FRMPD4: variants seen among roughly 807,000 people sequenced by gnomAD.
FRMPD4 encodes FERM and PDZ domain containing 4.
A neutral mutation model predicts 94.1 loss-of-function variants in FRMPD4; 22 were observed. The ratio of observed to expected loss-of-function variants is 0.23; its 90% CI spans 0.17 to 0.33. FRMPD4 has a LOEUF of 0.33. Ranked by LOEUF, FRMPD4 falls within the 10% of genes least tolerant of loss-of-function variation. FRMPD4 has a pLI of 1.00. For missense variants in FRMPD4, 1,111 were observed against 1,339.9 expected (o/e 0.83, Z 2.67); for synonymous variants, 631 against 548.6 (o/e 1.15, Z -2.10).
intron 3 of FRMPD4, among the ~76,000 whole-genome samples, chrX:12,075,695 A>G (rs1480493252): frequency 1.8e-5 from 2 of 111,832 alleles, no homozygotes; most frequent in African/African-American, 6.5e-5. Flanking sequence ...ATCACGGAGC[A>G]GCAAGTCACT....
At chrX:12,109,945 A>G (rs2147521483) in intron 3 of FRMPD4, among the ~76,000 whole-genome samples, 1 of 111,894 alleles carries the variant, frequency 8.9e-6, no homozygotes, top group African/African-American at 3.2e-5. Context: ...ACCAACCAAA[A>G]AAAGTCCAGG....
intron 5 of FRMPD4, among the ~76,000 whole-genome samples, chrX:12,681,696 T>TACACACAC (rs35651585): frequency 2.9e-5 from 3 of 104,027 alleles, no homozygotes; most frequent in Admixed American, 2.1e-4. Context: ...CCATCCAGGA[T>TACACACAC]ACACACACAC....
intron 1 of FRMPD4, among the ~76,000 whole-genome samples, chrX:11,857,814 C>T (rs990222925): frequency 8.9e-6 from 1 of 112,352 alleles, no homozygotes; most frequent in African/African-American, 3.2e-5. Context: ...ATGCATTTGA[C>T]GAAGGTTTAA....
At chrX:12,488,249 C>T (rs971363274) in intron 1 of FRMPD4, among the ~76,000 whole-genome samples, 58 of 111,954 alleles carry the variant, frequency 5.2e-4, no homozygotes, top group African/African-American at 1.7e-3. Context: ...TGGAGAACTA[C>T]CAGCCTTTGG....
chrX:12,041,404 CT>C (rs2054753992), intron 3 of FRMPD4, among the ~76,000 whole-genome samples: 1 of 111,932 alleles, frequency 8.9e-6, no homozygotes, highest in Non-Finnish European at 1.9e-5. Context: ...GTTATTTCAT[CT>C]TCATTTATAA....
chrX:12,183,330 C>T (rs989764424), intron 1 of FRMPD4, among the ~76,000 whole-genome samples: 4 of 111,385 alleles, frequency 3.6e-5, no homozygotes, highest in Admixed American at 9.6e-5. Flanking sequence ...CATTGGCATA[C>T]GTTTATATTG....
chrX:12,532,785 G>A (rs1456558312), intron 2 of FRMPD4, among the ~76,000 whole-genome samples: 1 of 111,550 alleles, frequency 9.0e-6, no homozygotes, highest in Non-Finnish European at 1.9e-5. Context: ...AATTCTATTG[G>A]CATCTAGTGG....
chrX:12,631,821 C>A (rs1180972504), intron 4 of FRMPD4, among the ~76,000 whole-genome samples: 1 of 112,102 alleles, frequency 8.9e-6, no homozygotes, highest in Non-Finnish European at 1.9e-5. Flanking sequence ...GGGTTCTCAA[C>A]CTCTTCATGT....
chrX:12,202,302 A>G (rs1436761383), intron 1 of FRMPD4, among the ~76,000 whole-genome samples: 1 of 112,270 alleles, frequency 8.9e-6, no homozygotes, highest in African/African-American at 3.2e-5. Context: ...GCTGTTGTGC[A>G]TGTTGATGTC....
intron 3 of FRMPD4, among the ~76,000 whole-genome samples, chrX:12,100,200 A>G (rs910769391): frequency 8.9e-6 from 1 of 112,275 alleles, no homozygotes. Flanking sequence ...ACCTAATCTT[A>G]GATAGAATCT....
chrX:11,911,557 T>C (rs900792200), intron 3 of FRMPD4, among the ~76,000 whole-genome samples: 1 of 111,906 alleles, frequency 8.9e-6, no homozygotes, highest in African/African-American at 3.3e-5. Flanking sequence ...GAGAACTTCT[T>C]TGGCATAATT....
intron 1 of FRMPD4, among the ~76,000 whole-genome samples, chrX:12,303,676 G>A (rs957876035): frequency 4.5e-5 from 5 of 110,906 alleles, no homozygotes; most frequent in African/African-American, 1.3e-4. Flanking sequence ...TATTACTTGG[G>A]TGAATAGAAA....
At chrX:12,403,835 A>AC (rs1015742141) in intron 1 of FRMPD4, among the ~76,000 whole-genome samples, 2 of 108,936 alleles carry the variant, frequency 1.8e-5, no homozygotes, top group African/African-American at 3.4e-5. Flanking sequence ...TTGATGTATG[A>AC]CCCCCCTCAG....
At chrX:12,697,627 G>T (rs1217707035) in intron 9 of FRMPD4, among the ~76,000 whole-genome samples, 3 of 112,264 alleles carry the variant, frequency 2.7e-5, no homozygotes, top group Non-Finnish European at 5.6e-5. Flanking sequence ...TCTGTTTAAG[G>T]TGTGTTTGCA....
At chrX:11,871,268 G>A (rs1440575815) in intron 2 of FRMPD4, among the ~76,000 whole-genome samples, 1 of 111,914 alleles carries the variant, frequency 8.9e-6, no homozygotes, top group Non-Finnish European at 1.9e-5. Context: ...TCTCACTTAT[G>A]TCACCTCCCA....
chrX:12,664,431 G>A (rs1036713688), intron 4 of FRMPD4, among the ~76,000 whole-genome samples: 2 of 111,710 alleles, frequency 1.8e-5, no homozygotes, highest in African/African-American at 6.5e-5. Context: ...GAGTTTTATT[G>A]AAGGCCTTTT....
intron 4 of FRMPD4, among the ~76,000 whole-genome samples, chrX:12,653,947 A>G (rs1175264267): frequency 6.3e-5 from 7 of 111,588 alleles, no homozygotes. Context: ...TTGTATTTTT[A>G]GTAGAGACAG....
intron 3 of FRMPD4, among the ~76,000 whole-genome samples, chrX:12,025,320 T>A (rs1260231456): frequency 9.1e-6 from 1 of 109,831 alleles, no homozygotes; most frequent in East Asian, 2.9e-4. Flanking sequence ...TCCAGACTCA[T>A]GAATCATGAC....
At chrX:12,126,784 C>T (rs1221237466) in intron 3 of FRMPD4, among the ~76,000 whole-genome samples, 4 of 111,850 alleles carry the variant, frequency 3.6e-5, no homozygotes, top group Non-Finnish European at 5.6e-5. Flanking sequence ...AATTCCATCA[C>T]GGCTATTCTG....
Sources: allele counts gnomAD v4.1 joint callset (sites outside exome capture counted in the v4.1 genomes callset), GRCh38; gene constraint gnomAD v4.1.1; transcripts MANE v1.5; gene names NCBI Gene and HGNC (gene_info 2026-07-23, HGNC 2026-07-21).